PCP4L1: variants seen among roughly 807,000 people sequenced by gnomAD.
PCP4L1 encodes Purkinje cell protein 4 like 1.
PCP4L1 carries 9 observed loss-of-function variants against 9.6 expected under a neutral mutation model. The ratio of observed to expected loss-of-function variants is 0.94; its 90% CI spans 0.57 to 1.64. The LOEUF (loss-of-function observed/expected upper bound fraction) is 1.64, where lower values mean the gene tolerates loss of function less well. Among genes scored for constraint, PCP4L1 ranks in the 40% most tolerant of loss-of-function variants. The pLI, the probability that PCP4L1 is intolerant of heterozygous loss-of-function variation, is 0.00. For missense variants in PCP4L1, 81 were observed against 80.8 expected, an observed-to-expected ratio of 1.00 and a Z score of -0.01; for synonymous variants, 31 against 28.2, an observed-to-expected ratio of 1.10 and a Z score of -0.31.
intron 1 of PCP4L1, among the ~76,000 whole-genome samples, chr1:161,270,814 G>A (rs1368565890): frequency 1.3e-5 from 2 of 151,374 alleles, no homozygotes; most frequent in South Asian, 4.1e-4. Context: ...GGTGGAGGTC[G>A]CAGTGAGCTG....
At chr1:161,261,114 C>T (rs1669409369) in intron 1 of PCP4L1, among the ~76,000 whole-genome samples, 2 of 152,172 alleles carry the variant, frequency 1.3e-5, no homozygotes, top group African/African-American at 2.4e-5. Flanking sequence ...GCTCCTCTTT[C>T]AGGTGGAAGA....
chr1:161,264,474 A>G (rs1227929623), intron 1 of PCP4L1, among the ~76,000 whole-genome samples: 1 of 152,048 alleles, frequency 6.6e-6, no homozygotes, highest in Non-Finnish European at 1.5e-5. Context: ...CCGAGATAGC[A>G]CCACTGCACT....
At chr1:161,280,010 C>A (rs183064363) in intron 1 of PCP4L1, among the ~76,000 whole-genome samples, 50 of 152,298 alleles carry the variant, frequency 3.3e-4, no homozygotes, top group Non-Finnish European at 1.5e-5. Context: ...AAAGCATAGA[C>A]ATCAGCTGAT....
chr1:161,272,615 A>G (rs1669641973), intron 1 of PCP4L1, among the ~76,000 whole-genome samples: 1 of 151,676 alleles, frequency 6.6e-6, no homozygotes, highest in Non-Finnish European at 1.5e-5. Context: ...CTATTGTCCG[A>G]GACCTGCTTC....
At chr1:161,271,212 C>G (rs1341940296) in intron 1 of PCP4L1, among the ~76,000 whole-genome samples, 2 of 152,132 alleles carry the variant, frequency 1.3e-5, no homozygotes, top group African/African-American at 4.8e-5. Context: ...GTATCTTTGC[C>G]TCTACATTGT....
At chr1:161,274,189 G>A (rs1669665749) in intron 1 of PCP4L1, among the ~76,000 whole-genome samples, 1 of 152,202 alleles carries the variant, frequency 6.6e-6, no homozygotes, top group Non-Finnish European at 1.5e-5. Context: ...AAAGTAAAGC[G>A]AGGTGACATT....
Position 161,258,785 on chromosome 1 carries a change from C to G in PCP4L1, c.-190C>G. On this transcript the variant is annotated 5_prime_UTR_variant, in exon 1 of 3. Transcript: ENST00000504449. Reference sequence around the variant, plus strand: ...GACGGGTCGCAGGGGGTCGCCTGGCCGGAGCTGGGCTCCGAGAATCCCGGG... The same window carrying G: ...GACGGGTCGCAGGGGGTCGCCTGGCGGGAGCTGGGCTCCGAGAATCCCGGG... 1.1e-6 allele frequency: 1 copy of G among 906,044 alleles called. No homozygotes were observed. Among genetic ancestry groups the G allele is most frequent in the Non-Finnish European group, 1.7e-6 (1 of 595,920 alleles). The allele number at this position is 906,044 out of a possible 1,614,324, so 56.1% of individuals were successfully genotyped here.
At chr1:161,264,838 C>T (rs951570424) in intron 1 of PCP4L1, among the ~76,000 whole-genome samples, 3 of 151,794 alleles carry the variant, frequency 2.0e-5, no homozygotes, top group African/African-American at 4.8e-5. Context: ...CTCACAAACA[C>T]GAAAAAGAAA....
chr1:161,279,706 T>C (rs1164168262), intron 1 of PCP4L1, among the ~76,000 whole-genome samples: 2 of 152,208 alleles, frequency 1.3e-5, no homozygotes, highest in Non-Finnish European at 2.9e-5. Context: ...CTTAAAATTG[T>C]GAGGTGAATA....
intron 1 of PCP4L1, among the ~76,000 whole-genome samples, chr1:161,263,229 T>C (rs1191889233): frequency 6.8e-6 from 1 of 147,286 alleles, no homozygotes; most frequent in Non-Finnish European, 1.5e-5. Context: ...GTTTTTGTTT[T>C]TGTTTTTGTT....
chr1:161,282,081 C>T (rs1669828152), intron 1 of PCP4L1, among the ~76,000 whole-genome samples: 1 of 152,204 alleles, frequency 6.6e-6, no homozygotes, highest in Non-Finnish European at 1.5e-5. Context: ...TGCCACTGCA[C>T]TCCAGCCGGG....
intron 1 of PCP4L1, among the ~76,000 whole-genome samples, chr1:161,262,950 A>C (rs1322484532): frequency 2.0e-5 from 3 of 152,232 alleles, no homozygotes; most frequent in African/African-American, 7.2e-5. Flanking sequence ...TCTGCAAAAA[A>C]TTCTTCAAAA....
chr1:161,270,435 C>T (rs575584050), intron 1 of PCP4L1, among the ~76,000 whole-genome samples: 1 of 151,992 alleles, frequency 6.6e-6, no homozygotes, highest in South Asian at 2.1e-4. Flanking sequence ...TTGTGTACCC[C>T]CAAAATCCAT....
At chr1:161,269,734 C>T (rs903252837) in intron 1 of PCP4L1, among the ~76,000 whole-genome samples, 2 of 152,290 alleles carry the variant, frequency 1.3e-5, no homozygotes, top group East Asian at 3.9e-4. Flanking sequence ...TGTGGTAGCT[C>T]ACACCTATAA....
chr1:161,265,359 C>A (rs546568580), intron 1 of PCP4L1, among the ~76,000 whole-genome samples: 8 of 151,930 alleles, frequency 5.3e-5, no homozygotes, highest in African/African-American at 1.9e-4. Context: ...AGCAAGACCC[C>A]GTCTTTACAA....
chr1:161,269,684 T>C (rs1161423328), intron 1 of PCP4L1, among the ~76,000 whole-genome samples: 1 of 152,070 alleles, frequency 6.6e-6, no homozygotes, highest in Non-Finnish European at 1.5e-5. Flanking sequence ...GGCTGAACAA[T>C]GTAGAGCCTT....
chr1:161,265,668 C>T (rs190603221), intron 1 of PCP4L1, among the ~76,000 whole-genome samples: 15 of 151,126 alleles, frequency 9.9e-5, no homozygotes, highest in African/African-American at 3.6e-4. Flanking sequence ...CTCAAAATGG[C>T]TTGACTTGCG....
intron 1 of PCP4L1, among the ~76,000 whole-genome samples, chr1:161,274,408 A>G (rs1669669039): frequency 6.6e-6 from 1 of 151,698 alleles, no homozygotes; most frequent in Non-Finnish European, 1.5e-5. Context: ...GAGGTTTGTG[A>G]TCCATACCTG....
chr1:161,271,314 A>G (rs894901947), intron 1 of PCP4L1, among the ~76,000 whole-genome samples: 5 of 152,174 alleles, frequency 3.3e-5, no homozygotes, highest in African/African-American at 1.2e-4. Flanking sequence ...GATGTTATAT[A>G]TCTTTTCATG....
Sources: allele counts gnomAD v4.1 joint callset (sites outside exome capture counted in the v4.1 genomes callset), GRCh38; gene constraint gnomAD v4.1.1; transcripts MANE v1.5; gene names NCBI Gene and HGNC (gene_info 2026-07-23, HGNC 2026-07-21).